Variants in MBTPS2 observed in about 807,000 individuals in gnomAD.
MBTPS2 encodes membrane bound transcription factor peptidase, site 2.
A neutral mutation model predicts 35.4 loss-of-function variants in MBTPS2; 2 were observed. The observed-to-expected ratio is 0.06, with a 90% CI of 0.02 to 0.18. MBTPS2 has a LOEUF of 0.18. Ranked by LOEUF, MBTPS2 falls within the 10% of genes least tolerant of loss-of-function variation. MBTPS2 has a pLI of 1.00. For missense variants in MBTPS2, 244 were observed against 386.5 expected (o/e 0.63, Z 3.09); for synonymous variants, 125 against 140.4 (o/e 0.89, Z 0.77).
intron 5 of MBTPS2, among the ~76,000 whole-genome samples, chrX:21,865,002 T>C (rs1207558476): frequency 9.5e-6 from 1 of 104,918 alleles, no homozygotes; most frequent in African/African-American, 3.5e-5. Context: ...CACTTCTCAG[T>C]CTCCCAAGTC....
Position 21,885,015 on chromosome X carries a change from T to TC in MBTPS2, c.*2361dup, listed in dbSNP as rs1468111834. On this transcript the variant is annotated 3_prime_UTR_variant, in exon 11 of 11. Coordinates refer to ENST00000379484, the MANE Select transcript of MBTPS2 (RefSeq NM_015884.4). Reference sequence around the variant, plus strand: ...TGTTCTTTCTGCGTTGTCACTTTGTTCAACAGTAAAACTTTATTCTCAGTG... The same window carrying TC: ...TGTTCTTTCTGCGTTGTCACTTTGTTCCAACAGTAAAACTTTATTCTCAGTG... The TC allele has an allele frequency of 2.1e-5, 16 of 751,471 alleles. No individual in the cohort carries two copies. In the African/African-American group the frequency reaches 3.7e-4, roughly 17 times the overall value. The allele number at this position is 751,471 out of a possible 1,213,427, so 61.9% of individuals were successfully genotyped here. A position where few individuals can be genotyped will look rare whatever the true frequency, so the allele number is the denominator to read the frequency against.
chrX:21,849,710 G>A (rs778724132), intron 3 of MBTPS2, among the ~76,000 whole-genome samples: 8 of 109,434 alleles, frequency 7.3e-5, no homozygotes, highest in Non-Finnish European at 1.3e-4. Flanking sequence ...ACTTTCCCAA[G>A]GTCATTTAGC....
chrX:21,877,950 C>T (rs1602153724), intron 7 of MBTPS2, 92 bp from the exon 8 acceptor site: 1 of 582,052 alleles, frequency 1.7e-6, no homozygotes. Context: ...ATTCATATGC[C>T]ATTTTACTTA....
intron 3 of MBTPS2, among the ~76,000 whole-genome samples, chrX:21,848,641 C>T (rs2092911220): frequency 9.1e-6 from 1 of 109,792 alleles, no homozygotes; most frequent in Admixed American, 9.7e-5. Flanking sequence ...GATCGCGCGA[C>T]TGCACTCCAG....
intron 7 of MBTPS2, 174 bp downstream of exon 7, chrX:21,869,852 T>A (rs2147448550): frequency 2.3e-6 from 1 of 439,976 alleles, no homozygotes; most frequent in African/African-American, 2.4e-5. Flanking sequence ...TGCTAATATG[T>A]GTTTCCTTTA....
At position 21,856,301 on chromosome X, in the gene MBTPS2, C is replaced by T. The variant is rs765665613; in HGVS notation, c.670+2798C>T. 7.8e-5 allele frequency: 29 copies of T among 373,975 alleles called. No homozygotes were observed. In the Admixed American group the frequency reaches 1.3e-3, roughly 17 times the overall value. The allele number at this position is 373,975 out of a possible 1,213,427, so 30.8% of individuals were successfully genotyped here. Reference sequence around the variant, plus strand: ...GTCTCGCGCCTTTCTCTGCAGCTCGCGCCTTTCTCTGCAGCTCGCGCCTTT... The same window carrying T: ...GTCTCGCGCCTTTCTCTGCAGCTCGTGCCTTTCTCTGCAGCTCGCGCCTTT... On this transcript the variant is annotated intron_variant, in intron 5 of 10. Transcript: ENST00000379484.
At chrX:21,854,932 C>T (rs2092918786) in intron 5 of MBTPS2, among the ~76,000 whole-genome samples, 1 of 111,719 alleles carries the variant, frequency 9.0e-6, no homozygotes, top group African/African-American at 3.2e-5. Context: ...CCTGTGATTT[C>T]AGTAGATCTA....
chrX:21,849,792 G>T (rs1446141006), intron 3 of MBTPS2, among the ~76,000 whole-genome samples: 4 of 105,501 alleles, frequency 3.8e-5, no homozygotes, highest in Non-Finnish European at 5.8e-5. Context: ...TTTGGGAGGC[G>T]GAGGAAGGCG....
chrX:21,874,965 A>G (rs1204197209), intron 7 of MBTPS2, among the ~76,000 whole-genome samples: 1 of 112,879 alleles, frequency 8.9e-6, no homozygotes, highest in Non-Finnish European at 1.9e-5. Flanking sequence ...AGATTCTAAA[A>G]TTAACTGTTT....
intron 5 of MBTPS2, chrX:21,856,349 T>C (rs2092922046): frequency 1.7e-6 from 1 of 603,530 alleles, no homozygotes; most frequent in Admixed American, 3.1e-5. Context: ...CGCCTTTCTC[T>C]GCAGCTCGCG....
chrX:21,849,699 A>G (rs2092912442), intron 3 of MBTPS2, among the ~76,000 whole-genome samples: 1 of 109,621 alleles, frequency 9.1e-6, no homozygotes, highest in South Asian at 3.9e-4. Flanking sequence ...GAATAATGCC[A>G]ACTTTCCCAA....
chrX:21,880,994 A>G (rs1416836485), intron 10 of MBTPS2, 22 bp downstream of exon 10: 6 of 1,100,989 alleles, frequency 5.4e-6, no homozygotes, highest in South Asian at 1.8e-5. Context: ...GGTGTGAAAC[A>G]TGTTTTAAAA....
At chrX:21,857,612 A>C in intron 5 of MBTPS2, 1 of 1,193,662 alleles carries the variant, frequency 8.4e-7, no homozygotes, top group Non-Finnish European at 1.1e-6. Context: ...GAAAAGGAGA[A>C]GACCCCTCTC....
intron 5 of MBTPS2, chrX:21,857,734 T>C (rs1602143563): frequency 1.3e-6 from 1 of 782,891 alleles, no homozygotes. Flanking sequence ...CATTTAAGGT[T>C]CGTGTTTTGT....
In MBTPS2 at chrX:21,856,494, A is replaced by G; in HGVS notation, c.670+2991A>G. The G allele has an allele frequency of 8.3e-7, 1 of 1,206,622 alleles. No individual in the cohort carries two copies. The highest frequency in any genetic ancestry group is 1.1e-6 in the Non-Finnish European group (1 of 892,660). ...TAACTAACTCTCAGCCATGGCCTCC[A>G]ACGAAGATTTCTCCATCACACAAGA... On this transcript the variant is annotated intron_variant, in intron 5 of 10. Transcript: ENST00000379484.
In MBTPS2 at chrX:21,839,669, A is replaced by C; in HGVS notation, c.-66A>C. 9.1e-7 allele frequency: 1 copy of C among 1,096,979 alleles called. No individual in the cohort carries two copies. Among genetic ancestry groups the C allele is most frequent in the Non-Finnish European group, 1.2e-6 (1 of 809,181 alleles). 90.4% of individuals were successfully genotyped at this position (1,096,979 alleles called of 1,213,427 possible). On this transcript the variant is annotated 5_prime_UTR_variant, in exon 1 of 11. Transcript: ENST00000379484. The stretch of plus-strand genomic sequence containing the variant: ...CTGGGGCTGTAAGGCGCGCGCGGTC[A>C]GCTGTTGGCGGTGCAGGGAGGAGGA...
chrX:21,852,431 A>G (rs1237102567), intron 4 of MBTPS2, among the ~76,000 whole-genome samples: 1 of 111,721 alleles, frequency 9.0e-6, no homozygotes, highest in Non-Finnish European at 1.9e-5. Context: ...TATTGGCAAT[A>G]AATCCTCATC....
At chrX:21,853,998 A>G (rs2092917590) in intron 5 of MBTPS2, among the ~76,000 whole-genome samples, 2 of 111,525 alleles carry the variant, frequency 1.8e-5, no homozygotes, top group Admixed American at 1.9e-4. Context: ...CAAATCCATC[A>G]CAACCCTGCA....
intron 3 of MBTPS2, among the ~76,000 whole-genome samples, chrX:21,845,642 C>T (rs886983242): frequency 1.5e-4 from 17 of 111,924 alleles, no homozygotes; most frequent in Non-Finnish European, 2.6e-4. Flanking sequence ...TAAACAGATA[C>T]GTGACTGTCT....
Sources: gnomAD v4.1 joint callset for allele counts (sites outside exome capture counted in the v4.1 genomes callset) on GRCh38, gnomAD v4.1.1 for gene constraint, MANE v1.5 for transcripts, NCBI Gene and HGNC (gene_info 2026-07-23, HGNC 2026-07-21) for gene names.